The following DYNC2LI1 variants were observed in gnomAD, a reference collection of about 807,000 sequenced individuals.
DYNC2LI1 encodes the protein cytoplasmic dynein 2 light intermediate chain 1.
Under a neutral mutation model 51.9 loss-of-function variants are expected in DYNC2LI1, and 45 were observed. That is an observed-to-expected ratio of 0.87 (90% CI 0.68 to 1.11). The LOEUF is 1.11. Ranked by LOEUF, DYNC2LI1 falls within the 50% of genes most tolerant of loss-of-function variation. DYNC2LI1 has a pLI of 0.00. For missense variants in DYNC2LI1, 490 were observed against 417.4 expected (o/e 1.17, Z -1.51); for synonymous variants, 130 against 137.8 (o/e 0.94, Z 0.40).
intron 1 of DYNC2LI1, chr2:43,775,603 TC>T (rs1236891100): frequency 7.1e-6 from 2 of 282,152 alleles, no homozygotes; most frequent in East Asian, 1.4e-4. Flanking sequence ...GCTCAGGCAA[TC>T]CTCCTGCCTC....
chr2:43,796,836 C>T (rs768770342), intron 8 of DYNC2LI1, 41 bp downstream of exon 8: 8 of 1,537,120 alleles, frequency 5.2e-6, no homozygotes, highest in Non-Finnish European at 7.2e-6. Flanking sequence ...ATGGACAGTA[C>T]CAAATTTGGG....
chr2:43,818,085 G>GTTGAATATTTAATGTAATTTA, the DYNC2LI1 span, among the ~76,000 whole-genome samples: 10 of 152,174 alleles, frequency 6.6e-5, no homozygotes, highest in Non-Finnish European at 1.5e-4. Flanking sequence ...AATGTAATTT[G>GTTGAATATTTAATGTAATTTA]TTGAATATTT....
intron 12 of DYNC2LI1, among the ~76,000 whole-genome samples, 185 bp from the exon 13 acceptor site, chr2:43,809,520 G>C (rs1666404049): frequency 6.6e-6 from 1 of 152,150 alleles, no homozygotes; most frequent in African/African-American, 2.4e-5. Context: ...AAACTCTGAA[G>C]ACAGTATTTC....
Position 43,794,492 on chromosome 2 carries a change from A to C in DYNC2LI1, c.356A>C (p.Lys119Thr). ...FSLVLVLDLS[K>T]PNDLWPTMEN... ...CTTGTTCTCGTTCTGGATCTTTCAA[A>C]ACCTAATGATCTCTGGCCCACCATG... The change falls in exon 6 of 13, where the codon AAA becomes ACA. Residue 119 changes from lysine (K) to threonine (T), a missense_variant. Lys to Thr is a moderately conservative substitution (Grantham distance 78). Coordinates refer to ENST00000260605, the MANE Select transcript of DYNC2LI1 (RefSeq NM_016008.4). 1 of 1,613,836 alleles carries C rather than the reference A, an allele frequency of 6.2e-7. No homozygotes were observed. Among genetic ancestry groups the C allele is most frequent in the Non-Finnish European group, 8.5e-7 (1 of 1,179,908 alleles).
chr2:43,826,399 G>A, the DYNC2LI1 span: 15 of 1,613,918 alleles, frequency 9.3e-6, no homozygotes, highest in South Asian at 5.5e-5. Flanking sequence ...AGCTCAGAAC[G>A]GGGCTGGTGA....
chr2:43,813,036 A>T, downstream of DYNC2LI1: 1 of 746,706 alleles, frequency 1.3e-6, no homozygotes, highest in Non-Finnish European at 2.5e-6. Flanking sequence ...AAAGAAATAC[A>T]TGGCACTCTC....
Position 43,774,085 on chromosome 2 carries a change from T to C in DYNC2LI1, c.-54T>C. 1 of 1,611,576 alleles carries C rather than the reference T, an allele frequency of 6.2e-7. No individual in the cohort carries two copies. The highest frequency in any genetic ancestry group is 1.7e-4 in the Middle Eastern group (1 of 6,056). ...CCTTGCGGAGCTCGCCGCCTGATTC[T>C]AGGCTGGTCACTACTCCGAGCCTGT... On this transcript the variant is annotated 5_prime_UTR_variant, in exon 1 of 13. Coordinates refer to ENST00000260605, the MANE Select transcript of DYNC2LI1 (RefSeq NM_016008.4).
chr2:43,775,453 C>A (rs1672965943), intron 1 of DYNC2LI1, among the ~76,000 whole-genome samples: 1 of 151,344 alleles, frequency 6.6e-6, no homozygotes, highest in South Asian at 2.1e-4. Flanking sequence ...GGATTGTTTT[C>A]AAAATGTTTG....
chr2:43,797,445 C>G (rs936782870), intron 8 of DYNC2LI1, among the ~76,000 whole-genome samples: 6 of 151,106 alleles, frequency 4.0e-5, no homozygotes, highest in African/African-American at 1.5e-4. Context: ...TATTATATCA[C>G]TGTTATCATT....
At chr2:43,824,283 G>A in the DYNC2LI1 span, 8 of 1,614,198 alleles carry the variant, frequency 5.0e-6, no homozygotes, top group Non-Finnish European at 5.1e-6. Context: ...GGAACCATTG[G>A]TAACGTTTTC....
chr2:43,774,152 C>T lies in DYNC2LI1; in HGVS notation c.8+6C>T, dbSNP rs1361619156. The T allele has an allele frequency of 6.2e-7, 1 of 1,613,832 alleles. No homozygotes were observed. The highest frequency in any genetic ancestry group is 1.3e-5 in the African/African-American group (1 of 74,932). On this transcript the variant is annotated splice_donor_region_variant and intron_variant, in intron 1 of 12. Coordinates refer to ENST00000260605, the MANE Select transcript of DYNC2LI1 (RefSeq NM_016008.4). The stretch of plus-strand genomic sequence containing the variant: ...AGGCCGTCGACGATGCCCAGGTATT[C>T]CCTGAACCCGGCTTGCGTGGGAAAG...
In DYNC2LI1 at chr2:43,788,390, G is replaced by A. The variant is rs543362081; in HGVS notation, c.231+1140G>A. Among the ~76,000 whole-genome samples the A allele has an allele frequency of 3.3e-4, 50 of 152,244 alleles. 1 individual carries two copies. Among genetic ancestry groups the A allele is most frequent in the African/African-American group, 1.1e-3 (46 of 41,556 alleles). On this transcript the variant is annotated intron_variant, in intron 4 of 12. Transcript: ENST00000260605. ...CATGGGAGCAGATACGTAAAAACTT[G>A]TGTAATTTTTTTTCTAAACTGTGTA...
At chr2:43,813,712 T>A (rs1454012961), downstream of DYNC2LI1, among the ~76,000 whole-genome samples, 11 of 112,728 alleles carry the variant, frequency 9.8e-5, no homozygotes, top group African/African-American at 4.0e-4. Context: ...TTTTTTCGTT[T>A]TTTTTTTTTT....
chr2:43,803,532 G>A (rs1043045395), intron 10 of DYNC2LI1, among the ~76,000 whole-genome samples: 11 of 152,162 alleles, frequency 7.2e-5, no homozygotes, highest in Non-Finnish European at 1.3e-4. Context: ...TATGGATGGG[G>A]AGACCAGGGG....
chr2:43,824,175 T>C, the DYNC2LI1 span: 1 of 1,614,038 alleles, frequency 6.2e-7, no homozygotes, highest in Non-Finnish European at 8.5e-7. Context: ...GGGGGATGGC[T>C]AAAGACCTCT....
the DYNC2LI1 span, among the ~76,000 whole-genome samples, chr2:43,826,950 T>C: frequency 1.3e-5 from 2 of 152,112 alleles, no homozygotes; most frequent in Non-Finnish European, 2.9e-5. Context: ...AAGAAAAAAA[T>C]CTGACGAATA....
intron 5 of DYNC2LI1, chr2:43,792,878 C>A: frequency 7.3e-7 from 1 of 1,375,666 alleles, no homozygotes; most frequent in Non-Finnish European, 9.5e-7. Context: ...AAACAAATAC[C>A]ACAGTTCAGT....
the DYNC2LI1 span, chr2:43,825,040 T>TTA: frequency 6.2e-7 from 1 of 1,612,490 alleles, no homozygotes; most frequent in African/African-American, 1.3e-5. Flanking sequence ...ACAGACGTAG[T>TTA]TAGTGTGTGA....
At chr2:43,801,795 A>G (rs1666086994) in intron 10 of DYNC2LI1, 86 bp downstream of exon 10, 1 of 955,052 alleles carries the variant, frequency 1.0e-6, no homozygotes, top group Admixed American at 2.1e-5. Flanking sequence ...TCTCCAACAT[A>G]CTCCTATTTC....
Sources: gnomAD v4.1 joint callset for allele counts (sites outside exome capture counted in the v4.1 genomes callset) on GRCh38, gnomAD v4.1.1 for gene constraint, MANE v1.5 for transcripts, NCBI Gene and HGNC (gene_info 2026-07-23, HGNC 2026-07-21) for gene names.